Variants in LARGE1 observed in about 807,000 individuals in gnomAD.
LARGE1 encodes LARGE xylosyl- and glucuronyltransferase 1.
Under a neutral mutation model 87.6 loss-of-function variants are expected in LARGE1, and 43 were observed. That is an observed-to-expected ratio of 0.49 (90% CI 0.38 to 0.63). LARGE1 has a LOEUF of 0.63. Among genes scored for constraint, LARGE1 ranks in the 30% least tolerant of loss-of-function variants. The probability of loss-of-function intolerance (pLI) is 0.00; values close to 1 mark genes in which losing one functional copy is unlikely to be tolerated. For synonymous variants in LARGE1, 434 were observed against 394.6 expected, an observed-to-expected ratio of 1.10 and a Z score of -1.18; for missense variants, 802 against 1,000.2, an observed-to-expected ratio of 0.80 and a Z score of 2.67.
At chr22:33,394,953 A>C (rs2065674234) in intron 7 of LARGE1, among the ~76,000 whole-genome samples, 1 of 152,094 alleles carries the variant, frequency 6.6e-6, no homozygotes, top group African/African-American at 2.4e-5. Context: ...AGGGCTGGGC[A>C]TGGTGGCTCA....
At chr22:33,889,641 G>A (rs756341767) in intron 1 of LARGE1, among the ~76,000 whole-genome samples, 4 of 152,106 alleles carry the variant, frequency 2.6e-5, no homozygotes, top group Non-Finnish European at 4.4e-5. Context: ...GTTTGCAGGG[G>A]GTCCCGGAGG....
intron 2 of LARGE1, among the ~76,000 whole-genome samples, chr22:33,688,407 A>C (rs1198541212): frequency 5.9e-5 from 9 of 152,140 alleles, no homozygotes; most frequent in African/African-American, 2.2e-4. Flanking sequence ...GCTGGAATGC[A>C]ATGGTGCGAT....
rs754489936 is a variant in LARGE1 at position 33,304,186 on chromosome 22, A to G, written c.1730+43T>C. On this transcript the variant is annotated intron_variant, in intron 12 of 14. Coordinates refer to ENST00000397394, the MANE Select transcript of LARGE1 (RefSeq NM_133642.5). ...TTTGGTCCTGGCACTGCATGGCCCT[A>G]TGTGCCTTCTGGCCTGATGGCCAGG... 1.2e-5 allele frequency: 20 copies of G among 1,609,840 alleles called. No individual in the cohort carries two copies. In the Middle Eastern group the frequency reaches 4.9e-4, roughly 40 times the overall value.
At chr22:33,220,163 C>G in intron 11 of LARGE1, among the ~76,000 whole-genome samples, 1 of 152,100 alleles carries the variant, frequency 6.6e-6, no homozygotes, top group South Asian at 2.1e-4. Context: ...AAAGAAAGGT[C>G]ACCTTTGGAT....
intron 1 of LARGE1, among the ~76,000 whole-genome samples, chr22:33,841,839 T>G (rs5749680): frequency 6.6e-6 from 1 of 151,996 alleles, no homozygotes; most frequent in South Asian, 2.1e-4. Context: ...TGACTTGCCC[T>G]GAGTCACACT....
chr22:33,780,272 C>A (rs1225177622), intron 1 of LARGE1, among the ~76,000 whole-genome samples: 2 of 152,198 alleles, frequency 1.3e-5, no homozygotes, highest in Non-Finnish European at 2.9e-5. Context: ...TTCTGAGGCA[C>A]TGAGGCTTGG....
intron 6 of LARGE1, among the ~76,000 whole-genome samples, chr22:33,509,208 T>C (rs989150683): frequency 1.3e-5 from 2 of 152,142 alleles, no homozygotes; most frequent in Non-Finnish European, 2.9e-5. Context: ...CCCCAAGACT[T>C]TGAATACCAG....
intron 2 of LARGE1, among the ~76,000 whole-genome samples, chr22:33,709,339 G>A (rs898961531): frequency 2.0e-5 from 3 of 152,092 alleles, no homozygotes; most frequent in Non-Finnish European, 4.4e-5. Flanking sequence ...GGTTGCTGGC[G>A]TCAGGCCCTG....
At chr22:33,859,748 G>A (rs1345875690) in intron 1 of LARGE1, among the ~76,000 whole-genome samples, 3 of 152,194 alleles carry the variant, frequency 2.0e-5, no homozygotes, top group Non-Finnish European at 2.9e-5. Flanking sequence ...GACATGTTCA[G>A]CAACAGATAA....
intron 6 of LARGE1, among the ~76,000 whole-genome samples, chr22:33,509,195 G>A (rs1281019359): frequency 6.6e-6 from 1 of 152,116 alleles, no homozygotes; most frequent in Non-Finnish European, 1.5e-5. Flanking sequence ...TGCCTGGGGT[G>A]CACCCCAAGA....
chr22:33,636,115 T>C lies in LARGE1; in HGVS notation c.409-9789A>G, dbSNP rs928303248. Among the ~76,000 whole-genome samples the C allele has an allele frequency of 5.9e-5, 9 of 152,320 alleles. No homozygotes were observed. In the East Asian group the frequency reaches 9.7e-4, roughly 16 times the overall value. ...CTTTAGGATTGACTTTCTTGTGCTA[T>C]AAAGAGCATAGCCACCTGAGAAATC... On this transcript the variant is annotated intron_variant, in intron 3 of 14. Transcript: ENST00000397394.
chr22:33,470,117 C>G (rs1054104170), intron 6 of LARGE1, among the ~76,000 whole-genome samples: 5 of 151,854 alleles, frequency 3.3e-5, no homozygotes, highest in Admixed American at 1.3e-4. Flanking sequence ...GTCTTGATCT[C>G]CTGACCTTGT....
intron 10 of LARGE1, among the ~76,000 whole-genome samples, chr22:33,328,024 A>T (rs966062027): frequency 6.6e-6 from 1 of 152,228 alleles, no homozygotes; most frequent in Non-Finnish European, 1.5e-5. Flanking sequence ...GTAGTCACAG[A>T]GCTTACATTC....
chr22:33,922,154 G>A (rs1310431777), upstream of LARGE1, among the ~76,000 whole-genome samples: 3 of 152,132 alleles, frequency 2.0e-5, no homozygotes, highest in East Asian at 3.9e-4. Flanking sequence ...GCGAGGCAGC[G>A]GGAAGCCCAC....
chr22:33,200,234 C>G (rs951970048), intron 11 of LARGE1, among the ~76,000 whole-genome samples: 2 of 151,942 alleles, frequency 1.3e-5, no homozygotes, highest in African/African-American at 2.4e-5. Flanking sequence ...CAGGGAGAGA[C>G]AGATAAATAT....
chr22:33,156,720 A>G, the LARGE1 span, among the ~76,000 whole-genome samples: 1 of 152,142 alleles, frequency 6.6e-6, no homozygotes, highest in South Asian at 2.1e-4. Context: ...GGAAGGCATG[A>G]TTGGTTTTGA....
rs371534388 is a variant in LARGE1 at position 33,500,223 on chromosome 22, T to G, written c.787+64625A>C. ...CTCTCAAAGTAGGAAGTGGGTCTAA[T>G]TCACCTTTGAATCCCCCATGATTAG... is the stretch of plus-strand genomic sequence containing the variant. On this transcript the variant is annotated intron_variant, in intron 6 of 14. Coordinates refer to ENST00000397394, the MANE Select transcript of LARGE1 (RefSeq NM_133642.5). Among the ~76,000 whole-genome samples the G allele has an allele frequency of 5.9e-5, 9 of 152,322 alleles. No homozygotes were observed. In the South Asian group the frequency reaches 6.2e-4, roughly 11 times the overall value.
At chr22:33,645,997 T>C (rs2080600445) in intron 3 of LARGE1, among the ~76,000 whole-genome samples, 1 of 152,160 alleles carries the variant, frequency 6.6e-6, no homozygotes, top group Non-Finnish European at 1.5e-5. Context: ...TTGGTGGGGA[T>C]GTAAATAAGT....
intron 11 of LARGE1, among the ~76,000 whole-genome samples, chr22:33,185,256 C>A (rs1457662182): frequency 6.6e-6 from 1 of 151,948 alleles, no homozygotes; most frequent in African/African-American, 2.4e-5. Context: ...TAAAAAGACA[C>A]GGAGAAAATT....
Sources: gnomAD v4.1 joint callset for allele counts (sites outside exome capture counted in the v4.1 genomes callset) on GRCh38, gnomAD v4.1.1 for gene constraint, MANE v1.5 for transcripts, NCBI Gene and HGNC (gene_info 2026-07-23, HGNC 2026-07-21) for gene names.